Variants in RBFOX1 observed in about 807,000 individuals in gnomAD.
The protein encoded by RBFOX1 is RNA binding fox-1 homolog 1.
A neutral mutation model predicts 57.7 loss-of-function variants in RBFOX1; 8 were observed. That is an observed-to-expected ratio of 0.14 (90% CI 0.08 to 0.25). The LOEUF (loss-of-function observed/expected upper bound fraction) is 0.25. Ranked by LOEUF, RBFOX1 falls within the 10% of genes least tolerant of loss-of-function variation. The pLI is 1.00. For missense variants in RBFOX1, 611 were observed against 548.5 expected (o/e 1.11, Z -1.14); for synonymous variants, 326 against 222.4 (o/e 1.47, Z -4.15).
At chr16:6,622,503 C>G (rs776350005) in intron 2 of RBFOX1, among the ~76,000 whole-genome samples, 6 of 152,060 alleles carry the variant, frequency 3.9e-5, no homozygotes. Flanking sequence ...GCTACACCAT[C>G]TAGGTTTGTA....
At chr16:6,531,819 C>T (rs1438820989) in intron 2 of RBFOX1, among the ~76,000 whole-genome samples, 1 of 152,146 alleles carries the variant, frequency 6.6e-6, no homozygotes, top group East Asian at 1.9e-4. Flanking sequence ...TGAAATTAGA[C>T]ACTGCAGTTA....
intron 1 of RBFOX1, among the ~76,000 whole-genome samples, chr16:6,103,388 A>G (rs2096338235): frequency 6.6e-6 from 1 of 152,182 alleles, no homozygotes; most frequent in African/African-American, 2.4e-5. Flanking sequence ...GATATCTAAC[A>G]TATGTCTGAT....
intron 2 of RBFOX1, among the ~76,000 whole-genome samples, chr16:6,628,770 T>A (rs1033867268): frequency 3.9e-5 from 6 of 152,212 alleles, no homozygotes; most frequent in Non-Finnish European, 8.8e-5. Flanking sequence ...TCTGTGAAGA[T>A]ATAGAACTGT....
chr16:6,478,918 G>A (rs192178496), intron 2 of RBFOX1, among the ~76,000 whole-genome samples: 21 of 152,196 alleles, frequency 1.4e-4, no homozygotes, highest in African/African-American at 4.8e-4. Context: ...TTGATATATT[G>A]TGAGATTTAC....
At position 5,997,897 on chromosome 16, in the gene RBFOX1, T is replaced by C; in HGVS notation, c.351+130562T>C. Reference sequence around the variant, plus strand: ...GTCAATCATTTGCTGATTTTCAAGATGTTAGAGTACATAACATGAAATTTG... The same window carrying C: ...GTCAATCATTTGCTGATTTTCAAGACGTTAGAGTACATAACATGAAATTTG... On this transcript the variant is annotated intron_variant, in intron 4 of 19. Coordinates refer to the RBFOX1 transcript ENST00000641259. 1.3e-5 allele frequency among the ~76,000 whole-genome samples: 2 copies of C among 152,212 alleles called. 1 individual carries two copies. Among genetic ancestry groups the C allele is most frequent in the Non-Finnish European group, 2.9e-5 (2 of 68,036 alleles).
At chr16:6,607,613 C>A (rs1284788352) in intron 2 of RBFOX1, among the ~76,000 whole-genome samples, 1 of 151,640 alleles carries the variant, frequency 6.6e-6, no homozygotes, top group Admixed American at 6.6e-5. Context: ...CTCTCTCTTT[C>A]TCTCTCTTCT....
At chr16:6,045,762 G>T (rs531556426) in intron 1 of RBFOX1, among the ~76,000 whole-genome samples, 2 of 152,206 alleles carry the variant, frequency 1.3e-5, no homozygotes, top group Admixed American at 6.5e-5. Context: ...TAGGTGGAAG[G>T]TGTGGCTACA....
At chr16:6,450,371 C>T (rs527347834) in intron 2 of RBFOX1, among the ~76,000 whole-genome samples, 4 of 152,040 alleles carry the variant, frequency 2.6e-5, no homozygotes, top group Non-Finnish European at 5.9e-5. Flanking sequence ...CATGATAAAA[C>T]CTCCGTTTGC....
chr16:7,056,421 G>C (rs546549137), intron 4 of RBFOX1, among the ~76,000 whole-genome samples: 12 of 152,246 alleles, frequency 7.9e-5, no homozygotes, highest in African/African-American at 2.6e-4. Flanking sequence ...TATGGAATCT[G>C]TGCATTAACC....
intron 2 of RBFOX1, among the ~76,000 whole-genome samples, chr16:6,336,162 T>TA: frequency 6.2e-5 from 1 of 16,168 alleles, no homozygotes; most frequent in Non-Finnish European, 1.4e-4. Flanking sequence ...TACATATATA[T>TA]ATATATATAT....
At chr16:6,705,624 C>G (rs748903531) in intron 3 of RBFOX1, 1 of 152,056 alleles carries the variant, frequency 6.6e-6, no homozygotes, top group Non-Finnish European at 1.5e-5. Context: ...ACAAGATGAG[C>G]CTGATAGCAA....
At chr16:5,818,456 C>G (rs935976138) in intron 3 of RBFOX1, among the ~76,000 whole-genome samples, 1 of 152,178 alleles carries the variant, frequency 6.6e-6, no homozygotes, top group Admixed American at 6.5e-5. Flanking sequence ...CCTTTCTTTA[C>G]TCAGTCAATA....
chr16:6,104,569 C>G (rs73525991), intron 1 of RBFOX1, among the ~76,000 whole-genome samples: 7,261 of 152,244 alleles, frequency 0.048, 539 homozygotes, highest in African/African-American at 0.16. Flanking sequence ...TGCAGTCAAT[C>G]TCTGTTCCCA....
At chr16:6,877,642 T>C (rs2062090648) in intron 3 of RBFOX1, among the ~76,000 whole-genome samples, 1 of 152,212 alleles carries the variant, frequency 6.6e-6, no homozygotes, top group African/African-American at 2.4e-5. Context: ...CAAAGCATTT[T>C]TACGGACAAG....
chr16:6,737,024 C>G (rs1047717864), intron 3 of RBFOX1, among the ~76,000 whole-genome samples: 3 of 152,118 alleles, frequency 2.0e-5, no homozygotes, highest in Admixed American at 1.3e-4. Flanking sequence ...AAAGAGGAGC[C>G]TCATTTAAGC....
chr16:5,725,239 A>T (rs1373568828), intron 3 of RBFOX1, among the ~76,000 whole-genome samples: 1 of 151,938 alleles, frequency 6.6e-6, no homozygotes, highest in Non-Finnish European at 1.5e-5. Flanking sequence ...TTTTTTAAAA[A>T]TTATTTTCTA....
intron 4 of RBFOX1, among the ~76,000 whole-genome samples, chr16:7,052,342 T>G (rs988858768): frequency 1.3e-5 from 2 of 152,240 alleles, no homozygotes; most frequent in Non-Finnish European, 2.9e-5. Flanking sequence ...TAAATACTTT[T>G]CTTCTGGAAT....
intron 2 of RBFOX1, among the ~76,000 whole-genome samples, chr16:5,518,201 G>A (rs575810273): frequency 2.6e-5 from 4 of 152,164 alleles, no homozygotes; most frequent in Non-Finnish European, 5.9e-5. Flanking sequence ...TAATGTGATG[G>A]ATGATGTTCC....
chr16:6,741,842 G>A (rs368432175), intron 3 of RBFOX1, among the ~76,000 whole-genome samples: 1 of 152,090 alleles, frequency 6.6e-6, no homozygotes, highest in Non-Finnish European at 1.5e-5. Flanking sequence ...AAGGGTAAAG[G>A]GTTAGAGAAA....
Sources: gnomAD v4.1 joint callset for allele counts (sites outside exome capture counted in the v4.1 genomes callset) on GRCh38, gnomAD v4.1.1 for gene constraint, MANE v1.5 for transcripts, NCBI Gene and HGNC (gene_info 2026-07-23, HGNC 2026-07-21) for gene names.